The following BMPER variants were observed in gnomAD, a reference collection of about 807,000 sequenced individuals.
The protein encoded by BMPER is BMP binding endothelial regulator.
Under a neutral mutation model 87.3 loss-of-function variants are expected in BMPER, and 45 were observed. The observed-to-expected ratio is 0.52, with a 90% CI of 0.41 to 0.66. The LOEUF (loss-of-function observed/expected upper bound fraction) is 0.66. Ranked by LOEUF, BMPER falls within the 30% of genes least tolerant of loss-of-function variation. The probability of loss-of-function intolerance (pLI) is 0.00; values close to 1 mark genes in which losing one functional copy is unlikely to be tolerated. For synonymous variants in BMPER, 326 were observed against 316.2 expected, an observed-to-expected ratio of 1.03 and a Z score of -0.33; for missense variants, 784 against 867.5, an observed-to-expected ratio of 0.90 and a Z score of 1.21.
chr7:34,059,996 A>G (rs1173287752), intron 10 of BMPER, among the ~76,000 whole-genome samples: 4 of 152,044 alleles, frequency 2.6e-5, no homozygotes, highest in East Asian at 1.9e-4. Context: ...TCATCTCTCC[A>G]TCTCTAATAC....
At chr7:33,914,087 C>G (rs976254178) in intron 2 of BMPER, among the ~76,000 whole-genome samples, 1 of 151,666 alleles carries the variant, frequency 6.6e-6, no homozygotes, top group Admixed American at 6.6e-5. Context: ...TCAGCCCTCC[C>G]GAGTAGCTGG....
At position 34,004,440 on chromosome 7, in the gene BMPER, C is replaced by T. The variant is rs1786671363; in HGVS notation, c.576+29656C>T. 2.0e-5 allele frequency among the ~76,000 whole-genome samples: 3 copies of T among 151,918 alleles called. No individual in the cohort carries two copies. The South Asian group carries it at 6.2e-4, about 31-fold the overall frequency. Reference sequence around the variant, plus strand: ...CTTTATGTGTCGTCAAATAAACTTCCGTGTTTTTTTGCATATCTCATTTTT... The same window carrying T: ...CTTTATGTGTCGTCAAATAAACTTCTGTGTTTTTTTGCATATCTCATTTTT... On this transcript the variant is annotated intron_variant, in intron 6 of 14. Coordinates refer to ENST00000649409, the MANE Select transcript of BMPER (RefSeq NM_001365308.1).
intron 6 of BMPER, among the ~76,000 whole-genome samples, chr7:34,041,150 T>C (rs955970146): frequency 6.6e-6 from 1 of 152,212 alleles, no homozygotes; most frequent in African/African-American, 2.4e-5. Context: ...ATGTTAGAAC[T>C]AAATTTACAT....
chr7:33,947,422 G>T (rs1292449349), intron 3 of BMPER, among the ~76,000 whole-genome samples: 1 of 151,988 alleles, frequency 6.6e-6, no homozygotes, highest in Admixed American at 6.6e-5. Flanking sequence ...TCTTTCATTT[G>T]TCAAGTGGGG....
chr7:34,072,386 A>G (rs1788758880), intron 11 of BMPER, among the ~76,000 whole-genome samples: 1 of 151,988 alleles, frequency 6.6e-6, no homozygotes, highest in Non-Finnish European at 1.5e-5. Context: ...GCTAAAATCG[A>G]GGTGTCAGCA....
In BMPER at chr7:33,969,461, G is replaced by A. The variant is rs182729718; in HGVS notation, c.403-868G>A. On this transcript the variant is annotated intron_variant, in intron 4 of 14. Transcript: ENST00000649409. ...GTCGTCCAGGCTGGAGTGCAGTGGC[G>A]CAATCTCTGCTCACTGCAAGCTCCG... 1.8e-3 allele frequency among the ~76,000 whole-genome samples: 274 copies of A among 152,208 alleles called. 1 individual carries two copies. Among genetic ancestry groups the A allele is most frequent in the Admixed American group, 3.8e-3 (58 of 15,296 alleles).
intron 2 of BMPER, among the ~76,000 whole-genome samples, chr7:33,929,502 C>T (rs1434282046): frequency 1.3e-5 from 2 of 152,084 alleles, no homozygotes; most frequent in Non-Finnish European, 2.9e-5. Flanking sequence ...AGAATGAAAC[C>T]ATAAAGCACC....
At chr7:34,003,968 G>T (rs1786656988) in intron 6 of BMPER, among the ~76,000 whole-genome samples, 1 of 151,912 alleles carries the variant, frequency 6.6e-6, no homozygotes, top group South Asian at 2.1e-4. Flanking sequence ...AAATGTTTTG[G>T]CTATTATTCT....
At chr7:33,968,270 C>T (rs138375060) in intron 4 of BMPER, among the ~76,000 whole-genome samples, 15 of 152,242 alleles carry the variant, frequency 9.9e-5, no homozygotes, top group African/African-American at 2.9e-4. Context: ...TTATTCAATA[C>T]GCAGAAAAGC....
intron 13 of BMPER, among the ~76,000 whole-genome samples, chr7:34,102,578 G>A (rs1412917137): frequency 6.6e-6 from 1 of 152,174 alleles, no homozygotes; most frequent in Non-Finnish European, 1.5e-5. Context: ...GTGGAAGAGA[G>A]GTGTTCTTCC....
intron 13 of BMPER, among the ~76,000 whole-genome samples, chr7:34,097,077 T>C (rs767659695): frequency 1.2e-4 from 19 of 152,238 alleles, no homozygotes; most frequent in Non-Finnish European, 2.6e-4. Flanking sequence ...TGATAGAGGA[T>C]ATGCTGGATG....
At chr7:34,028,247 T>C (rs1292822892) in intron 6 of BMPER, among the ~76,000 whole-genome samples, 2 of 152,038 alleles carry the variant, frequency 1.3e-5, no homozygotes, top group African/African-American at 4.8e-5. Flanking sequence ...TTAAAGAAAT[T>C]TGCAAAAATT....
intron 3 of BMPER, among the ~76,000 whole-genome samples, chr7:33,938,571 T>G (rs10234639): frequency 0.37 from 56,715 of 151,830 alleles, 11,141 homozygotes; most frequent in African/African-American, 0.5. Context: ...CCTTCAGAGG[T>G]AGCATGCCCT....
At chr7:34,102,256 A>T (rs1789701255) in intron 13 of BMPER, among the ~76,000 whole-genome samples, 1 of 152,134 alleles carries the variant, frequency 6.6e-6, no homozygotes, top group African/African-American at 2.4e-5. Context: ...CAACAGAGCA[A>T]GTCTTTTCTC....
intron 6 of BMPER, among the ~76,000 whole-genome samples, chr7:34,001,166 A>G (rs373045205): frequency 6.6e-6 from 1 of 151,792 alleles, no homozygotes; most frequent in Non-Finnish European, 1.5e-5. Context: ...TTTTTGTATC[A>G]GGTTAATAAA....
At chr7:33,929,385 C>T (rs939632528) in intron 2 of BMPER, among the ~76,000 whole-genome samples, 4 of 152,146 alleles carry the variant, frequency 2.6e-5, no homozygotes, top group Non-Finnish European at 1.5e-5. Flanking sequence ...AGGTTTTGGT[C>T]AGCCTTGCAA....
intron 11 of BMPER, among the ~76,000 whole-genome samples, chr7:34,073,478 A>G (rs1191330699): frequency 6.6e-6 from 1 of 152,196 alleles, no homozygotes; most frequent in African/African-American, 2.4e-5. Context: ...TTATAATCTT[A>G]TGGGACCACT....
intron 11 of BMPER, among the ~76,000 whole-genome samples, chr7:34,069,323 A>T (rs1450016513): frequency 6.6e-6 from 1 of 152,254 alleles, no homozygotes; most frequent in Non-Finnish European, 1.5e-5. Flanking sequence ...GAGCTGAGGC[A>T]GATTTATTCC....
At chr7:33,997,774 A>G (rs1393917444) in intron 6 of BMPER, among the ~76,000 whole-genome samples, 2 of 152,166 alleles carry the variant, frequency 1.3e-5, no homozygotes, top group Admixed American at 6.5e-5. Context: ...TGTTCTGTCC[A>G]GAAGACTCTT....
Sources: gnomAD v4.1 joint callset for allele counts (sites outside exome capture counted in the v4.1 genomes callset) on GRCh38, gnomAD v4.1.1 for gene constraint, MANE v1.5 for transcripts, NCBI Gene and HGNC (gene_info 2026-07-23, HGNC 2026-07-21) for gene names.